The following UNC80 variants were observed in gnomAD, a reference collection of about 807,000 sequenced individuals.
UNC80 encodes the protein protein unc-80 homolog.
A neutral mutation model predicts 384.6 loss-of-function variants in UNC80; 164 were observed. The observed-to-expected ratio is 0.43, with a 90% CI of 0.38 to 0.49. The LOEUF is 0.49. Among genes scored for constraint, UNC80 ranks in the 20% least tolerant of loss-of-function variants. The pLI, the probability that UNC80 is intolerant of heterozygous loss-of-function variation, is 0.00. For synonymous variants in UNC80, 1,486 were observed against 1,527.8 expected (o/e 0.97, Z 0.64); for missense variants, 3,330 against 4,143.0 (o/e 0.80, Z 5.39).
At position 209,904,896 on chromosome 2, in the gene UNC80, C is replaced by T; in HGVS notation, c.4713C>T (p.Asp1571=). The change falls in exon 29 of 65, where the codon GAC becomes GAT. Residue 1571 remains aspartate, a synonymous_variant. Coordinates refer to ENST00000673920, the MANE Select transcript of UNC80 (RefSeq NM_001371986.1). ...LVRAIKLLYG[D]SVDSLRESSN... ...GAGCCATCAAGCTACTCTATGGAGA[C>T]AGTGTGGACTCCCTGAGGGAAAGCA... 1 of 1,551,778 alleles carries T rather than the reference C, an allele frequency of 6.4e-7. No individual in the cohort carries two copies.
At chr2:209,813,995 T>C (rs1191020648) in intron 8 of UNC80, among the ~76,000 whole-genome samples, 154 bp downstream of exon 8, 1 of 152,240 alleles carries the variant, frequency 6.6e-6, no homozygotes, top group African/African-American at 2.4e-5. Context: ...CCATCTTGCA[T>C]GCTTGACCCT....
chr2:209,985,563 G>A (rs17818273), intron 61 of UNC80, among the ~76,000 whole-genome samples: 76,328 of 152,044 alleles, frequency 0.5, 19,230 homozygotes, highest in African/African-American at 0.52. Flanking sequence ...AGTAAGAGAA[G>A]TCTTATGATG....
At chr2:209,830,651 C>A (rs927399444) in intron 15 of UNC80, among the ~76,000 whole-genome samples, 1 of 152,118 alleles carries the variant, frequency 6.6e-6, no homozygotes, top group African/African-American at 2.4e-5. Flanking sequence ...CTGCCCATGC[C>A]CTTTGTCACA....
chr2:209,783,313 T>C (rs538916860), intron 4 of UNC80, among the ~76,000 whole-genome samples: 1 of 152,220 alleles, frequency 6.6e-6, no homozygotes, highest in East Asian at 1.9e-4. Context: ...TATGTATACA[T>C]AGCATTGTGT....
chr2:209,797,734 T>A (rs10182114), intron 7 of UNC80, among the ~76,000 whole-genome samples: 23 of 152,170 alleles, frequency 1.5e-4, no homozygotes, highest in Non-Finnish European at 3.1e-4. Flanking sequence ...GGAATCGACA[T>A]GCTATCTTCC....
chr2:209,958,410 A>C (rs938715736), intron 49 of UNC80, among the ~76,000 whole-genome samples: 8 of 152,254 alleles, frequency 5.3e-5, no homozygotes, highest in African/African-American at 1.9e-4. Flanking sequence ...CCTGGAAATC[A>C]TAAGGAGAAA....
intron 13 of UNC80, among the ~76,000 whole-genome samples, chr2:209,822,345 G>T (rs753939576): frequency 2.0e-5 from 3 of 152,160 alleles, no homozygotes; most frequent in Admixed American, 6.5e-5. Context: ...GATCACAAGA[G>T]ATTTGATTGC....
intron 29 of UNC80, among the ~76,000 whole-genome samples, chr2:209,911,341 A>G (rs1456262801): frequency 1.3e-5 from 2 of 152,182 alleles, no homozygotes; most frequent in African/African-American, 4.8e-5. Flanking sequence ...TTTCACATTC[A>G]CAGGGGAAAA....
intron 58 of UNC80, among the ~76,000 whole-genome samples, chr2:209,978,287 T>C (rs1425345406): frequency 6.6e-6 from 1 of 152,220 alleles, no homozygotes; most frequent in Non-Finnish European, 1.5e-5. Flanking sequence ...TGTCAAAGCA[T>C]TTAATATTGT....
At chr2:209,971,606 C>T (rs1023368653) in intron 54 of UNC80, among the ~76,000 whole-genome samples, 1 of 152,060 alleles carries the variant, frequency 6.6e-6, no homozygotes, top group African/African-American at 2.4e-5. Context: ...CTGACCCATC[C>T]GTCGTTTGAC....
intron 38 of UNC80, 120 bp downstream of exon 38, chr2:209,931,174 AT>A: frequency 1.5e-6 from 1 of 688,626 alleles, no homozygotes; most frequent in South Asian, 2.2e-5. Flanking sequence ...GGTCAACTAA[AT>A]TCTGTGTAGG....
intron 13 of UNC80, among the ~76,000 whole-genome samples, chr2:209,823,267 A>T (rs1239814268): frequency 1.3e-5 from 2 of 152,218 alleles, no homozygotes; most frequent in Non-Finnish European, 1.5e-5. Flanking sequence ...AGGACATCTG[A>T]AGGTCTAAAG....
chr2:209,855,628 A>T (rs1050004049), intron 22 of UNC80, among the ~76,000 whole-genome samples: 8 of 152,100 alleles, frequency 5.3e-5, no homozygotes, highest in African/African-American at 1.9e-4. Context: ...TGCTCTTCTG[A>T]ACTTTATTTT....
chr2:209,846,101 CTTAA>C (rs2082153957), intron 21 of UNC80, among the ~76,000 whole-genome samples: 1 of 151,944 alleles, frequency 6.6e-6, no homozygotes, highest in South Asian at 2.1e-4. Flanking sequence ...TCTAAATTAT[CTTAA>C]TTACAGAATT....
chr2:209,940,499 T>C (rs2124977880), intron 43 of UNC80, among the ~76,000 whole-genome samples: 1 of 152,262 alleles, frequency 6.6e-6, no homozygotes, highest in East Asian at 1.9e-4. Flanking sequence ...AGCATCTCTA[T>C]GTTTTATCGC....
intron 22 of UNC80, among the ~76,000 whole-genome samples, chr2:209,864,209 G>T (rs2083546105): frequency 6.6e-6 from 1 of 152,124 alleles, no homozygotes; most frequent in South Asian, 2.1e-4. Flanking sequence ...GAGCAGCAAA[G>T]ATGGGTGTCT....
At position 209,921,566 on chromosome 2, in the gene UNC80, C is replaced by G; in HGVS notation, c.5410C>G (p.Gln1804Glu). The G allele has an allele frequency of 3.2e-6, 5 of 1,551,672 alleles. No individual in the cohort carries two copies. Among genetic ancestry groups the G allele is most frequent in the Non-Finnish European group, 3.5e-6 (4 of 1,146,976 alleles). The change falls in exon 34 of 65, where the codon CAG becomes GAG. Residue 1804 changes from glutamine to glutamate, a missense_variant. By Grantham distance (29) the Gln-to-Glu change is conservative. Around this residue, in one of 8 missense-constraint regions of UNC80, gnomAD observed 1,049 missense variants for 1,488.6 expected, o/e 0.70. Coordinates refer to ENST00000673920, the MANE Select transcript of UNC80 (RefSeq NM_001371986.1). ...GGCAGAACACATCTTAAAGAACTTG[C>G]AGCAGGAGGAAGAAAAGAAACGACT... ...QRAEHILKNL[Q>E]QEEEKKRLGR...
intron 49 of UNC80, among the ~76,000 whole-genome samples, chr2:209,958,560 G>T (rs1194748802): frequency 2.6e-5 from 4 of 152,096 alleles, no homozygotes; most frequent in Non-Finnish European, 5.9e-5. Context: ...TAAATTGCCT[G>T]GTGTGATGGT....
chr2:209,793,618 G>A (rs1262720858), intron 6 of UNC80, 102 bp from the exon 7 acceptor site: 12 of 1,404,958 alleles, frequency 8.5e-6, no homozygotes, highest in African/African-American at 7.2e-5. Flanking sequence ...GCCCATATAT[G>A]GAACCATGTT....
Sources: gnomAD v4.1 joint callset for allele counts (sites outside exome capture counted in the v4.1 genomes callset) on GRCh38, gnomAD v4.1.1 for gene constraint, gnomAD v4.1.1 regional missense constraint, MANE v1.5 for transcripts, NCBI Gene and HGNC (gene_info 2026-07-23, HGNC 2026-07-21) for gene names.